CNTNAP2: variants seen among roughly 807,000 people sequenced by gnomAD.
The protein encoded by CNTNAP2 is contactin-associated protein-like 2.
A neutral mutation model predicts 155.2 loss-of-function variants in CNTNAP2; 98 were observed. The ratio of observed to expected loss-of-function variants is 0.63; its 90% CI spans 0.54 to 0.75. The LOEUF is 0.75. Among genes scored for constraint, CNTNAP2 ranks in the 30% least tolerant of loss-of-function variants. The probability of loss-of-function intolerance (pLI) is 0.00; values close to 1 mark genes in which losing one functional copy is unlikely to be tolerated. For missense variants in CNTNAP2, 1,727 were observed against 1,688.1 expected (o/e 1.02, Z -0.40); for synonymous variants, 651 against 631.2 (o/e 1.03, Z -0.47).
intron 13 of CNTNAP2, among the ~76,000 whole-genome samples, chr7:147,834,589 A>G (rs2116641285): frequency 6.6e-6 from 1 of 152,278 alleles, no homozygotes; most frequent in South Asian, 2.1e-4. Context: ...AGACACCTAC[A>G]TCGACCAAAT....
intron 1 of CNTNAP2, among the ~76,000 whole-genome samples, chr7:146,737,552 A>T (rs755396318): frequency 6.6e-6 from 1 of 152,116 alleles, no homozygotes; most frequent in Admixed American, 6.5e-5. Flanking sequence ...AAAGTGCCTT[A>T]TGTACAGGTT....
intron 1 of CNTNAP2, among the ~76,000 whole-genome samples, chr7:146,326,537 T>C (rs1347405692): frequency 6.6e-6 from 1 of 152,198 alleles, no homozygotes; most frequent in Non-Finnish European, 1.5e-5. Flanking sequence ...CTTGGTACTA[T>C]TCCTTGTGTT....
intron 11 of CNTNAP2, among the ~76,000 whole-genome samples, chr7:147,491,575 G>A (rs1798609976): frequency 6.6e-6 from 1 of 152,204 alleles, no homozygotes; most frequent in South Asian, 2.1e-4. Context: ...AGGAGGTGGT[G>A]CCACATTTCA....
intron 15 of CNTNAP2, among the ~76,000 whole-genome samples, chr7:148,051,644 TAAAC>T (rs1028599229): frequency 3.3e-5 from 5 of 152,192 alleles, no homozygotes; most frequent in African/African-American, 1.2e-4. Flanking sequence ...AACTCTGAAA[TAAAC>T]AAACAAATAA....
intron 4 of CNTNAP2, among the ~76,000 whole-genome samples, chr7:147,101,697 T>C (rs1584843670): frequency 1.3e-5 from 2 of 152,126 alleles, no homozygotes; most frequent in South Asian, 4.2e-4. Flanking sequence ...CCCCTGGAGT[T>C]CAACCACCCC....
At chr7:147,612,211 G>A (rs1801200626) in intron 12 of CNTNAP2, among the ~76,000 whole-genome samples, 1 of 152,026 alleles carries the variant, frequency 6.6e-6, no homozygotes, top group Non-Finnish European at 1.5e-5. Context: ...AGTTATTCAG[G>A]AAAGTACACA....
At chr7:148,245,763 G>A (rs1220494441) in intron 20 of CNTNAP2, among the ~76,000 whole-genome samples, 1 of 152,094 alleles carries the variant, frequency 6.6e-6, no homozygotes, top group African/African-American at 2.4e-5. Context: ...AGCCAATTGT[G>A]TTAGAGCCTT....
intron 1 of CNTNAP2, among the ~76,000 whole-genome samples, chr7:146,407,524 G>A (rs1463165029): frequency 6.6e-6 from 1 of 152,040 alleles, no homozygotes; most frequent in Non-Finnish European, 1.5e-5. Context: ...AATCATTTTG[G>A]TGTGCCACGG....
At chr7:146,721,696 TATTCTATATAC>T (rs1394343808) in intron 1 of CNTNAP2, among the ~76,000 whole-genome samples, 1 of 116,962 alleles carries the variant, frequency 8.5e-6, no homozygotes, top group Non-Finnish European at 1.6e-5. Context: ...TCTATATATA[TATTCTATATAC>T]ATTCTATATA....
chr7:146,184,185 G>A (rs1257265143), intron 1 of CNTNAP2, among the ~76,000 whole-genome samples: 1 of 152,174 alleles, frequency 6.6e-6, no homozygotes, highest in Non-Finnish European at 1.5e-5. Flanking sequence ...CTTAGGTGCT[G>A]TACTGAACTT....
chr7:147,056,354 G>A (rs1490951143), intron 4 of CNTNAP2, among the ~76,000 whole-genome samples: 2 of 151,904 alleles, frequency 1.3e-5, no homozygotes, highest in Non-Finnish European at 2.9e-5. Context: ...AAACTTTGAA[G>A]TGCAAATGTT....
At chr7:147,350,709 C>T (rs1032581328) in intron 9 of CNTNAP2, among the ~76,000 whole-genome samples, 2 of 151,712 alleles carry the variant, frequency 1.3e-5, no homozygotes, top group Non-Finnish European at 3.0e-5. Context: ...GTAGAGAAAA[C>T]AATATACTGC....
chr7:148,211,905 A>G (rs1795558281), intron 18 of CNTNAP2, among the ~76,000 whole-genome samples: 1 of 152,186 alleles, frequency 6.6e-6, no homozygotes, highest in Non-Finnish European at 1.5e-5. Flanking sequence ...AATTTTTGGA[A>G]AAGAGCCCAT....
chr7:147,617,982 C>T (rs1801323908), intron 12 of CNTNAP2, among the ~76,000 whole-genome samples: 1 of 152,136 alleles, frequency 6.6e-6, no homozygotes, highest in South Asian at 2.1e-4. Flanking sequence ...GAAATCCTAG[C>T]TCACATCTTT....
At chr7:147,967,401 ACT>A (rs1801235409) in intron 14 of CNTNAP2, among the ~76,000 whole-genome samples, 1 of 152,210 alleles carries the variant, frequency 6.6e-6, no homozygotes, top group Admixed American at 6.5e-5. Flanking sequence ...TCAGCTATTA[ACT>A]GGTTGAATAC....
At chr7:146,462,784 T>C (rs112672778) in intron 1 of CNTNAP2, among the ~76,000 whole-genome samples, 4,162 of 152,270 alleles carry the variant, frequency 0.027, 135 homozygotes, top group African/African-American at 0.074. Context: ...CGGGGAATAG[T>C]ATGTTGACTT....
chr7:148,283,288 AAAGAAAGAAAGAAAGAAAGG>A (rs1305534921), intron 21 of CNTNAP2, among the ~76,000 whole-genome samples: 8 of 97,156 alleles, frequency 8.2e-5, no homozygotes, highest in African/African-American at 2.3e-4. Flanking sequence ...AGAAAGAAAG[AAAGAAAGAAAGAAAGAAAGG>A]AAGGAAGGAA....
At chr7:146,435,075 A>T (rs1160911033) in intron 1 of CNTNAP2, among the ~76,000 whole-genome samples, 1 of 152,196 alleles carries the variant, frequency 6.6e-6, no homozygotes, top group African/African-American at 2.4e-5. Flanking sequence ...TGCTTTTGAG[A>T]AATTTCTACT....
intron 2 of CNTNAP2, among the ~76,000 whole-genome samples, chr7:146,794,997 G>A (rs1802743511): frequency 6.6e-6 from 1 of 152,154 alleles, no homozygotes; most frequent in Admixed American, 6.5e-5. Context: ...TATAGACAGA[G>A]TAGTCAGAGA....
Sources: gnomAD v4.1 joint callset for allele counts (sites outside exome capture counted in the v4.1 genomes callset) on GRCh38, gnomAD v4.1.1 for gene constraint, MANE v1.5 for transcripts, NCBI Gene and HGNC (gene_info 2026-07-23, HGNC 2026-07-21) for gene names.